Variants in PCDHA4 observed in about 807,000 individuals in gnomAD.
PCDHA4 encodes protocadherin alpha 4.
Under a neutral mutation model 61.4 loss-of-function variants are expected in PCDHA4, and 49 were observed. That is an observed-to-expected ratio of 0.80 (90% confidence interval 0.63 to 1.01). The LOEUF (loss-of-function observed/expected upper bound fraction) is 1.01, where lower values mean the gene tolerates loss of function less well. PCDHA4 is among the 50% of genes least tolerant of loss of function. PCDHA4 has a pLI of 0.00. For missense variants in PCDHA4, 1,254 were observed against 1,235.8 expected (o/e 1.01, Z -0.22); for synonymous variants, 590 against 550.3 (o/e 1.07, Z -1.01).
chr5:140,928,744 C>T (rs143875858), intron 1 of PCDHA4: 3 of 1,614,144 alleles, frequency 1.9e-6, no homozygotes, highest in Admixed American at 3.3e-5. Context: ...TATAGGTGAG[C>T]TCCGTACTGC....
At chr5:140,911,709 G>A (rs1029382331) in intron 1 of PCDHA4, among the ~76,000 whole-genome samples, 1 of 151,822 alleles carries the variant, frequency 6.6e-6, no homozygotes, top group Non-Finnish European at 1.5e-5. Context: ...AATTTATTTT[G>A]TGTAACTCTG....
chr5:140,966,161 CT>C, intron 1 of PCDHA4: 1 of 175,442 alleles, frequency 5.7e-6, no homozygotes. Context: ...GCTTGGAGAT[CT>C]TTTCCTGGGG....
At chr5:140,834,566 G>A (rs2150221246) in intron 1 of PCDHA4, 1 of 1,614,096 alleles carries the variant, frequency 6.2e-7, no homozygotes, top group South Asian at 1.1e-5. Context: ...AGCTGGTGCC[G>A]CGCCTGTTCC....
rs2150233090 is a variant in PCDHA4 at position 140,847,186 on chromosome 5, T to C, written c.2385+37614T>C. On this transcript the variant is annotated intron_variant, in intron 1 of 3. Transcript: ENST00000530339. ...TAATAAACTAAAGGGCCATGAGTGA[T>C]TAAGGAATTTGGCCACTCTTTAGAA... Among the ~76,000 whole-genome samples, 2 of 149,618 alleles carry C rather than the reference T, an allele frequency of 1.3e-5. 1 individual carries two copies. Among genetic ancestry groups the C allele is most frequent in the African/African-American group, 4.9e-5 (2 of 40,934 alleles).
chr5:140,858,068 G>A (rs576753961), intron 1 of PCDHA4: 1 of 1,597,756 alleles, frequency 6.3e-7, no homozygotes, highest in African/African-American at 1.3e-5. Context: ...GGGCAGCCAG[G>A]CACCCAAGGC....
chr5:140,840,692 G>C lies in PCDHA4; in HGVS notation c.2385+31120G>C, dbSNP rs181650579. 2.7e-4 allele frequency among the ~76,000 whole-genome samples: 41 copies of C among 152,042 alleles called. No homozygotes were observed. The East Asian group carries it at 2.9e-3, about 11-fold the overall frequency. On this transcript the variant is annotated intron_variant, in intron 1 of 3. Transcript: ENST00000530339. ...TTTTTATTACTTTAGTAAATAAAAC[G>C]GTTCAGGCAATTTGACATTTATTGA...
chr5:140,922,876 A>G (rs782530609), intron 1 of PCDHA4, among the ~76,000 whole-genome samples: 10 of 152,234 alleles, frequency 6.6e-5, no homozygotes, highest in Non-Finnish European at 1.3e-4. Flanking sequence ...GAAAAAATCC[A>G]AAGACATCAT....
rs781924329 is a variant in PCDHA4, at chr5:140,856,796, A to T, written c.2385+47224A>T. 42 of 1,595,540 alleles carry T rather than the reference A, an allele frequency of 2.6e-5. 2 individuals carry two copies. The highest frequency in any genetic ancestry group is 1.8e-4 in the South Asian group (16 of 90,506). ...TGACAGACCGGTTTATGAAGTTAAG[A>T]TGTATGAAAATCAAGTGAACCAAAC... On this transcript the variant is annotated intron_variant, in intron 1 of 3. Transcript: ENST00000530339.
chr5:140,902,421 A>G (rs1187358402), intron 1 of PCDHA4, among the ~76,000 whole-genome samples: 4 of 152,076 alleles, frequency 2.6e-5, no homozygotes, highest in Non-Finnish European at 5.9e-5. Context: ...AACAGTGGTG[A>G]AAGTGGGCAT....
chr5:140,917,710 G>T (rs2078316558), intron 1 of PCDHA4, among the ~76,000 whole-genome samples: 3 of 152,132 alleles, frequency 2.0e-5, no homozygotes. Flanking sequence ...TTGTAGGTGT[G>T]CAGCTTTATT....
At chr5:140,843,503 A>C in intron 1 of PCDHA4, 1 of 1,595,796 alleles carries the variant, frequency 6.3e-7, no homozygotes. Flanking sequence ...AGCACTGCCC[A>C]CTGAGGGCGG....
chr5:141,009,771 T>C lies in PCDHA4; in HGVS notation c.2678T>C (p.Ile893Thr), dbSNP rs142720081. 3.1e-5 allele frequency: 50 copies of C among 1,613,964 alleles called. No homozygotes were observed. The highest frequency in any genetic ancestry group is 1.6e-4 in the Middle Eastern group (1 of 6,084). Residue 893 changes from isoleucine (I) to threonine (T), a missense_variant, in exon 4 of 4, where the codon ATC (isoleucine) becomes ACC (threonine). Transcript: ENST00000530339. ...DKFIIPGSPA[I>T]ISIRQEPTNS... ...TTCATTATCCCAGGATCTCCTGCAA[T>C]CATCTCCATCCGGCAGGAGCCTACT...
chr5:140,933,752 A>T (rs1308245960), intron 1 of PCDHA4, among the ~76,000 whole-genome samples: 1 of 152,068 alleles, frequency 6.6e-6, no homozygotes, highest in African/African-American at 2.4e-5. Context: ...AGAATTCACT[A>T]GTGAAGCTCT....
At position 140,807,351 on chromosome 5, in the gene PCDHA4, A is replaced by T; in HGVS notation, c.164A>T (p.Glu55Val). 6.2e-7 allele frequency: 1 copy of T among 1,612,072 alleles called. No homozygotes were observed. Among genetic ancestry groups the T allele is most frequent in the Non-Finnish European group, 8.5e-7 (1 of 1,179,690 alleles). The change falls in exon 1 of 4, where the codon GAG (glutamate) becomes GTG (valine). Residue 55 changes from glutamate (E) to valine (V), a missense_variant. Transcript: ENST00000530339. The stretch of plus-strand genomic sequence containing the variant: ...CGCATCGCGCAGGACCTGGGACTGG[A>T]GCTGGCGGAGCTGGTGCCGCGCCTG... ...VGRIAQDLGL[E>V]LAELVPRLFR...
At chr5:140,876,493 C>G in intron 1 of PCDHA4, 1 of 1,614,008 alleles carries the variant, frequency 6.2e-7, no homozygotes, top group South Asian at 1.1e-5. Flanking sequence ...GGTGGAAGTT[C>G]TGGACGTGAA....
At chr5:140,838,077 AGTGTGTGTGTGTGT>A (rs57130401) in intron 1 of PCDHA4, among the ~76,000 whole-genome samples, 81 of 80,694 alleles carry the variant, frequency 1.0e-3, no homozygotes, top group East Asian at 2.9e-3. Flanking sequence ...ATATATATAT[AGTGTGTGTGTGTGT>A]GTGTGTGTGT....
intron 1 of PCDHA4, among the ~76,000 whole-genome samples, chr5:140,962,118 C>T (rs561645739): frequency 1.3e-5 from 2 of 152,210 alleles, no homozygotes; most frequent in East Asian, 1.9e-4. Context: ...ATCTCCTAAC[C>T]TTGGCCTCGG....
intron 1 of PCDHA4, chr5:140,870,896 C>A (rs946837071): frequency 4.3e-6 from 7 of 1,613,822 alleles, no homozygotes; most frequent in Non-Finnish European, 5.9e-6. Context: ...GCAGTGGATG[C>A]GGACTCAGGC....
In PCDHA4 at chr5:140,849,870, G is replaced by T. The variant is rs2150455328; in HGVS notation, c.2385+40298G>T. ...CAACGCACCAGCGTTCGCGCAGTCC[G>T]AGTACACGGTGTTCGTGAAGGAGAA... On this transcript the variant is annotated intron_variant, in intron 1 of 3. Coordinates refer to ENST00000530339, the MANE Select transcript of PCDHA4 (RefSeq NM_018907.4). 25 of 1,598,494 alleles carry T rather than the reference G, an allele frequency of 1.6e-5. 2 individuals carry two copies. The highest frequency in any genetic ancestry group is 2.1e-5 in the Non-Finnish European group (24 of 1,167,988).
Sources: gnomAD v4.1 joint callset for allele counts (sites outside exome capture counted in the v4.1 genomes callset) on GRCh38, gnomAD v4.1.1 for gene constraint, MANE v1.5 for transcripts, NCBI Gene and HGNC (gene_info 2026-07-23, HGNC 2026-07-21) for gene names.